STK3: variants seen among roughly 807,000 people sequenced by gnomAD.
STK3 encodes serine/threonine-protein kinase 3.
A neutral mutation model predicts 58.0 loss-of-function variants in STK3; 41 were observed. The ratio of observed to expected loss-of-function variants is 0.71; its 90% CI spans 0.55 to 0.92. STK3 has a LOEUF of 0.92. Among genes scored for constraint, STK3 ranks in the 40% least tolerant of loss-of-function variants. STK3 has a pLI of 0.00. For synonymous variants in STK3, 170 were observed against 191.0 expected (o/e 0.89, Z 0.91); for missense variants, 479 against 602.7 (o/e 0.79, Z 2.15).
intron 1 of STK3, among the ~76,000 whole-genome samples, chr8:98,900,463 C>T (rs917497615): frequency 5.3e-5 from 8 of 152,184 alleles, no homozygotes; most frequent in East Asian, 3.9e-4. Context: ...TATATGAAAT[C>T]GCCCCACATC....
At chr8:98,926,738 A>G (rs1443731272) in intron 1 of STK3, among the ~76,000 whole-genome samples, 3 of 152,260 alleles carry the variant, frequency 2.0e-5, no homozygotes, top group African/African-American at 7.2e-5. Flanking sequence ...ATGGGGCCAA[A>G]GCACATTGGG....
chr8:98,594,036 G>A (rs1815580758), intron 7 of STK3, among the ~76,000 whole-genome samples: 3 of 152,118 alleles, frequency 2.0e-5, no homozygotes, highest in African/African-American at 4.8e-5. Context: ...AGCAGGGCGA[G>A]ATAGCTCACG....
At chr8:98,745,643 C>T (rs1645785414) in intron 4 of STK3, among the ~76,000 whole-genome samples, 1 of 151,982 alleles carries the variant, frequency 6.6e-6, no homozygotes, top group Non-Finnish European at 1.5e-5. Context: ...AATTATGGAA[C>T]AGAGGCCAAG....
At chr8:98,602,163 A>G (rs967222575) in intron 6 of STK3, 2 of 152,246 alleles carry the variant, frequency 1.3e-5, no homozygotes, top group Non-Finnish European at 2.9e-5. Flanking sequence ...AATGCCCTGG[A>G]TAACATGAAA....
chr8:98,381,138 T>C (rs936820440), intron 1 of STK3, among the ~76,000 whole-genome samples: 1 of 151,946 alleles, frequency 6.6e-6, no homozygotes, highest in African/African-American at 2.4e-5. Context: ...GTCCGGCTAA[T>C]TTTTGTATTT....
At chr8:98,870,675 T>C (rs1034113192) in intron 3 of STK3, among the ~76,000 whole-genome samples, 8 of 152,242 alleles carry the variant, frequency 5.3e-5, no homozygotes, top group African/African-American at 2.4e-5. Context: ...CTTTGCCCAC[T>C]TTTTGTTGGG....
chr8:98,509,839 CA>C (rs1468362596), intron 10 of STK3, among the ~76,000 whole-genome samples: 5 of 151,890 alleles, frequency 3.3e-5, no homozygotes, highest in African/African-American at 1.2e-4. Context: ...ACCTCAATAA[CA>C]AAGATGTGAA....
At chr8:98,509,446 T>C (rs1396237522) in intron 10 of STK3, among the ~76,000 whole-genome samples, 1 of 151,994 alleles carries the variant, frequency 6.6e-6, no homozygotes, top group Non-Finnish European at 1.5e-5. Flanking sequence ...AAGTTTTACT[T>C]AGATGACTAT....
chr8:98,545,555 G>A (rs1004147842), intron 9 of STK3, among the ~76,000 whole-genome samples: 1 of 152,120 alleles, frequency 6.6e-6, no homozygotes, highest in African/African-American at 2.4e-5. Flanking sequence ...CTTTCTAGAG[G>A]TAAGGAAAAT....
downstream of STK3, among the ~76,000 whole-genome samples, chr8:98,369,349 C>A (rs1265949953): frequency 6.6e-6 from 1 of 152,192 alleles, no homozygotes; most frequent in Admixed American, 6.5e-5. Context: ...TATTAAGGAT[C>A]TTCTCCCCAC....
At chr8:98,790,978 C>A (rs563477955) in intron 1 of STK3, among the ~76,000 whole-genome samples, 2 of 147,894 alleles carry the variant, frequency 1.4e-5, no homozygotes, top group Non-Finnish European at 3.0e-5. Flanking sequence ...GGTGAGACTC[C>A]GTCTCAAAAA....
At chr8:98,553,819 G>A (rs1201799824) in intron 8 of STK3, among the ~76,000 whole-genome samples, 1 of 151,968 alleles carries the variant, frequency 6.6e-6, no homozygotes, top group Non-Finnish European at 1.5e-5. Context: ...CAAAAAATTA[G>A]CCAGGCATGG....
At chr8:98,912,743 T>C (rs1468395355) in intron 1 of STK3, among the ~76,000 whole-genome samples, 3 of 152,176 alleles carry the variant, frequency 2.0e-5, no homozygotes, top group African/African-American at 7.2e-5. Flanking sequence ...AAGTCTTCCA[T>C]TCAGAACTAT....
chr8:98,744,155 T>C (rs1223560082), intron 4 of STK3, among the ~76,000 whole-genome samples: 1 of 152,156 alleles, frequency 6.6e-6, no homozygotes, highest in Non-Finnish European at 1.5e-5. Flanking sequence ...AGTTCAACCA[T>C]TGTGGAAGGC....
At chr8:98,628,505 A>T (rs1818905294) in intron 6 of STK3, among the ~76,000 whole-genome samples, 1 of 152,156 alleles carries the variant, frequency 6.6e-6, no homozygotes, top group Admixed American at 6.5e-5. Flanking sequence ...GCTAAGTTAA[A>T]GGAATACACA....
At chr8:98,429,510 G>A in intron 3 of STK3, 1 of 857,360 alleles carries the variant, frequency 1.2e-6, no homozygotes, top group Non-Finnish European at 1.8e-6. Context: ...TAAGGAGTAT[G>A]CCCAGCCCCT....
At chr8:98,934,287 G>GC (rs1156524591) in intron 1 of STK3, among the ~76,000 whole-genome samples, 1 of 152,072 alleles carries the variant, frequency 6.6e-6, no homozygotes, top group African/African-American at 2.4e-5. Context: ...CAGTCACTAG[G>GC]CCCACCTGAC....
At chr8:98,652,786 C>A (rs564721673) in intron 6 of STK3, among the ~76,000 whole-genome samples, 11 of 150,454 alleles carry the variant, frequency 7.3e-5, no homozygotes, top group Admixed American at 2.7e-4. Context: ...AGCTAACTAT[C>A]CTAAATATAT....
intron 1 of STK3, among the ~76,000 whole-genome samples, chr8:98,380,054 A>C (rs949531244): frequency 6.6e-6 from 1 of 152,252 alleles, no homozygotes; most frequent in African/African-American, 2.4e-5. Context: ...TCAAAGAATG[A>C]CAAATACTGT....
Sources: allele counts gnomAD v4.1 joint callset (sites outside exome capture counted in the v4.1 genomes callset), GRCh38; gene constraint gnomAD v4.1.1; transcripts MANE v1.5; gene names NCBI Gene and HGNC (gene_info 2026-07-23, HGNC 2026-07-21).